POU6F2: variants seen among roughly 807,000 people sequenced by gnomAD.
POU6F2 encodes POU domain, class 6, transcription factor 2.
POU6F2 carries 31 observed loss-of-function variants against 71.3 expected under a neutral mutation model. The ratio of observed to expected loss-of-function variants is 0.43; its 90% confidence interval spans 0.33 to 0.59. POU6F2 has a LOEUF of 0.59. Ranked by LOEUF, POU6F2 falls within the 20% of genes least tolerant of loss-of-function variation. The pLI, the probability that POU6F2 is intolerant of heterozygous loss-of-function variation, is 0.04. For synonymous variants in POU6F2, 347 were observed against 355.7 expected, an observed-to-expected ratio of 0.98 and a Z score of 0.27; for missense variants, 783 against 856.8, an observed-to-expected ratio of 0.91 and a Z score of 1.07.
chr7:39,240,723 T>C (rs535638009), intron 4 of POU6F2, among the ~76,000 whole-genome samples: 1 of 152,314 alleles, frequency 6.6e-6, no homozygotes, highest in South Asian at 2.1e-4. Flanking sequence ...ATTTTAATAA[T>C]AGATCTGTTA....
At chr7:39,374,930 A>C (rs902973424) in intron 5 of POU6F2, among the ~76,000 whole-genome samples, 1 of 152,152 alleles carries the variant, frequency 6.6e-6, no homozygotes, top group Non-Finnish European at 1.5e-5. Context: ...TACTGCAGCA[A>C]TGCCGTCTCA....
intron 6 of POU6F2, among the ~76,000 whole-genome samples, chr7:39,416,491 A>T (rs1451174154): frequency 1.3e-5 from 2 of 152,152 alleles, no homozygotes; most frequent in African/African-American, 2.4e-5. Context: ...GCAGCTGAAG[A>T]TTGTTGTCCC....
chr7:38,998,620 T>A lies in POU6F2; in HGVS notation c.105+20562T>A, dbSNP rs558482870. On this transcript the variant is annotated intron_variant, in intron 1 of 9. Coordinates refer to ENST00000518318, the MANE Select transcript of POU6F2 (RefSeq NM_001370959.1). Reference sequence around the variant, plus strand: ...CAATGCAAGGAGAATTTTAGGAAAATTTAAGCAGTAAAGATATTCTTGGTG... The same window carrying A: ...CAATGCAAGGAGAATTTTAGGAAAAATTAAGCAGTAAAGATATTCTTGGTG... 1.1e-4 allele frequency among the ~76,000 whole-genome samples: 17 copies of A among 152,048 alleles called. No homozygotes were observed. The East Asian group carries it at 2.7e-3, about 24-fold the overall frequency.
chr7:39,464,575 C>A lies in POU6F2; in HGVS notation c.2052C>A (p.Phe684Leu). 6.2e-7 allele frequency: 1 copy of A among 1,612,516 alleles called. No individual in the cohort carries two copies. Among genetic ancestry groups the A allele is most frequent in the East Asian group, 2.2e-5 (1 of 44,846 alleles). ...ACCGAGAAGTAGTTAGAGTTTGGTT[C>A]TGCAATAAGAGGCAAGCCCTGAAGA... is the stretch of plus-strand genomic sequence containing the variant. ...NYDREVVRVW[F>L]CNKRQALKNT... The change falls in exon 10 of 10, where the codon TTC becomes TTA. Residue 684 changes from phenylalanine to leucine, a missense_variant. By Grantham distance (22) the Phe-to-Leu change is conservative. Coordinates refer to ENST00000518318, the MANE Select transcript of POU6F2 (RefSeq NM_001370959.1). The surrounding 1 kb of genome is among the most constrained non-coding windows in gnomAD (Gnocchi z 4.1).
At chr7:39,366,355 C>T (rs1786500641) in intron 5 of POU6F2, among the ~76,000 whole-genome samples, 1 of 152,096 alleles carries the variant, frequency 6.6e-6, no homozygotes, top group Non-Finnish European at 1.5e-5. Context: ...ATAAATATCA[C>T]AAACACACAC....
intron 4 of POU6F2, among the ~76,000 whole-genome samples, chr7:39,291,938 C>T (rs968902383): frequency 1.3e-4 from 20 of 148,814 alleles, no homozygotes; most frequent in Middle Eastern, 7.1e-3. Flanking sequence ...TTTTACTATT[C>T]CCTTTACCTT....
chr7:39,313,993 ACTT>A (rs767303946), intron 4 of POU6F2, among the ~76,000 whole-genome samples: 45 of 152,232 alleles, frequency 3.0e-4, no homozygotes, highest in Non-Finnish European at 4.7e-4. Flanking sequence ...AGAGCCCCCA[ACTT>A]CTTCTGCTTT....
intron 7 of POU6F2, among the ~76,000 whole-genome samples, chr7:39,448,807 C>T (rs979641674): frequency 3.9e-5 from 6 of 152,154 alleles, no homozygotes; most frequent in African/African-American, 1.4e-4. Flanking sequence ...GATTCAGTTA[C>T]TCAAAACTGT....
At chr7:39,114,190 C>T (rs989840201) in intron 2 of POU6F2, among the ~76,000 whole-genome samples, 1 of 152,056 alleles carries the variant, frequency 6.6e-6, no homozygotes, top group African/African-American at 2.4e-5. Flanking sequence ...TGAGTGAATC[C>T]AAATTTCTTT....
intron 2 of POU6F2, among the ~76,000 whole-genome samples, chr7:39,180,310 A>T (rs1428915123): frequency 6.6e-6 from 1 of 152,196 alleles, no homozygotes; most frequent in Non-Finnish European, 1.5e-5. Flanking sequence ...AGAGAAAAAG[A>T]GCATAAAAGG....
chr7:39,415,017 A>G (rs1365308917), intron 6 of POU6F2, among the ~76,000 whole-genome samples: 1 of 151,632 alleles, frequency 6.6e-6, no homozygotes, highest in East Asian at 1.9e-4. Flanking sequence ...ATCTTTTTAA[A>G]TTTTTTGTTT....
At chr7:38,992,012 G>A (rs1196922282) in intron 1 of POU6F2, among the ~76,000 whole-genome samples, 2 of 152,060 alleles carry the variant, frequency 1.3e-5, no homozygotes, top group African/African-American at 2.4e-5. Flanking sequence ...AGACCACACA[G>A]GTTGTTGTTT....
intron 2 of POU6F2, among the ~76,000 whole-genome samples, chr7:39,150,051 A>C (rs376410761): frequency 2.6e-5 from 4 of 151,900 alleles, no homozygotes; most frequent in African/African-American, 9.7e-5. Context: ...ACGCCCAGCT[A>C]ATTTTTTTTA....
At chr7:39,229,861 C>T (rs1300889349) in intron 4 of POU6F2, among the ~76,000 whole-genome samples, 4 of 152,126 alleles carry the variant, frequency 2.6e-5, no homozygotes, top group Non-Finnish European at 4.4e-5. Context: ...TTGAGGATCT[C>T]GATGTTCGTG....
intron 5 of POU6F2, among the ~76,000 whole-genome samples, chr7:39,353,308 A>G (rs141042921): frequency 1.4e-3 from 217 of 152,316 alleles, no homozygotes; most frequent in Middle Eastern, 6.8e-3. Flanking sequence ...CTAAAAGAAA[A>G]CAAATTGGGA....
chr7:39,012,608 TAG>T (rs1222505229), intron 1 of POU6F2, among the ~76,000 whole-genome samples: 2 of 152,146 alleles, frequency 1.3e-5, no homozygotes, highest in Non-Finnish European at 2.9e-5. Flanking sequence ...CTCTGCATTT[TAG>T]AGTTTCCAGT....
At chr7:39,224,339 C>T (rs1292869976) in intron 4 of POU6F2, among the ~76,000 whole-genome samples, 1 of 148,220 alleles carries the variant, frequency 6.7e-6, no homozygotes, top group Non-Finnish European at 1.5e-5. Flanking sequence ...ATTTGCATTT[C>T]AAATCATTAA....
intron 1 of POU6F2, among the ~76,000 whole-genome samples, chr7:38,985,376 C>T (rs1277954122): frequency 2.0e-5 from 3 of 151,998 alleles, no homozygotes; most frequent in Non-Finnish European, 4.4e-5. Flanking sequence ...CCTGATGATT[C>T]ATCATTATGG....
chr7:39,166,510 G>A (rs970582616), intron 2 of POU6F2, among the ~76,000 whole-genome samples: 3 of 152,158 alleles, frequency 2.0e-5, no homozygotes, highest in Non-Finnish European at 2.9e-5. Context: ...TGGAGAAGGA[G>A]GGTGTGTTTA....
Sources: gnomAD v4.1 joint callset for allele counts (sites outside exome capture counted in the v4.1 genomes callset) on GRCh38, gnomAD v4.1.1 for gene constraint, Gnocchi (gnomAD v3.1) non-coding constraint, MANE v1.5 for transcripts, NCBI Gene and HGNC (gene_info 2026-07-23, HGNC 2026-07-21) for gene names.